The following PCDHA3 variants were observed in gnomAD, a reference collection of about 807,000 sequenced individuals.
PCDHA3 encodes protocadherin alpha 3, also known as protocadherin alpha-3.
In PCDHA3, 41 loss-of-function variants were observed where a neutral mutation model predicts 62.2. That is an observed-to-expected ratio of 0.66 (90% CI 0.51 to 0.86). PCDHA3 has a LOEUF of 0.86. PCDHA3 is among the 40% of genes least tolerant of loss of function. The pLI is 0.00. For missense variants in PCDHA3, 1,304 were observed against 1,241.2 expected, an observed-to-expected ratio of 1.05 and a Z score of -0.76; for synonymous variants, 640 against 555.4, an observed-to-expected ratio of 1.15 and a Z score of -2.14.
intron 1 of PCDHA3, chr5:140,808,126 C>T: frequency 1.2e-6 from 2 of 1,613,832 alleles, no homozygotes; most frequent in Non-Finnish European, 1.7e-6. Context: ...TTGAAGAAAG[C>T]AAATCCTATG....
intron 1 of PCDHA3, chr5:140,834,834 C>G (rs1580793449): frequency 6.2e-7 from 1 of 1,611,936 alleles, no homozygotes; most frequent in Non-Finnish European, 8.5e-7. Flanking sequence ...GCTTGACTCT[C>G]GGTTTCCACT....
chr5:140,851,022 T>C, intron 1 of PCDHA3: 1 of 1,428,366 alleles, frequency 7.0e-7, no homozygotes, highest in Non-Finnish European at 9.2e-7. Context: ...TCTGATAAAG[T>C]AAACCCCTTA....
chr5:140,868,834 A>G (rs1554162245), intron 1 of PCDHA3: 10 of 427,500 alleles, frequency 2.3e-5, no homozygotes, highest in Non-Finnish European at 8.0e-6. Context: ...AAGAAACCCA[A>G]AACACGTGAA....
intron 1 of PCDHA3, among the ~76,000 whole-genome samples, chr5:140,906,808 C>A (rs902394073): frequency 6.6e-6 from 1 of 152,214 alleles, no homozygotes; most frequent in Non-Finnish European, 1.5e-5. Flanking sequence ...CTCTTCCTTA[C>A]CTCCACTGTG....
In PCDHA3 at chr5:140,845,842, G is replaced by A. The variant is rs2150381678; in HGVS notation, c.2394+42251G>A. On this transcript the variant is annotated intron_variant, in intron 1 of 3. Coordinates refer to ENST00000522353, the MANE Select transcript of PCDHA3 (RefSeq NM_018906.3). ...AATTTAGTTATTACCATTCTTAAGA[G>A]AAAAGAAGTTAGTGATTGCAGAAAG... Among the ~76,000 whole-genome samples the A allele has an allele frequency of 1.1e-4, 17 of 149,848 alleles. 1 individual carries two copies. Among genetic ancestry groups the A allele is most frequent in the African/African-American group, 4.1e-4 (17 of 40,984 alleles).
At chr5:140,822,900 CCGTGA>C in intron 1 of PCDHA3, 1 of 1,614,266 alleles carries the variant, frequency 6.2e-7, no homozygotes. Flanking sequence ...GCGTGTCTGA[CCGTGA>C]CTCAGGTGCC....
chr5:140,847,382 C>T (rs2150399833), intron 1 of PCDHA3: 1 of 149,622 alleles, frequency 6.7e-6, no homozygotes, highest in South Asian at 2.1e-4. Context: ...GATAAATATG[C>T]AAAAACATTA....
intron 1 of PCDHA3, among the ~76,000 whole-genome samples, chr5:140,821,120 T>C (rs1424425591): frequency 6.6e-5 from 10 of 152,074 alleles, no homozygotes; most frequent in African/African-American, 1.7e-4. Context: ...AACAGTGAAA[T>C]TGGAATAAAA....
intron 1 of PCDHA3, among the ~76,000 whole-genome samples, chr5:140,944,592 C>T (rs1225606041): frequency 2.6e-5 from 4 of 152,086 alleles, no homozygotes; most frequent in Non-Finnish European, 4.4e-5. Flanking sequence ...CAGAATTTCC[C>T]TGGGTAGAGT....
At chr5:140,813,211 G>A (rs1765248486) in intron 1 of PCDHA3, 1 of 152,142 alleles carries the variant, frequency 6.6e-6, no homozygotes, top group African/African-American at 2.4e-5. Flanking sequence ...CTGTCTGAAT[G>A]TTCTATTCCT....
chr5:140,809,720 T>C (rs2150017686), intron 1 of PCDHA3: 1 of 919,614 alleles, frequency 1.1e-6, no homozygotes, highest in Non-Finnish European at 1.6e-6. Flanking sequence ...TTTGGAATTA[T>C]AGGACATCAG....
At chr5:140,860,167 A>G (rs924380316) in intron 1 of PCDHA3, 2 of 149,440 alleles carry the variant, frequency 1.3e-5, no homozygotes, top group Non-Finnish European at 3.0e-5. Flanking sequence ...ATATATATGT[A>G]TATATATATG....
chr5:140,821,771 T>C (rs2150110539), intron 1 of PCDHA3: 390 of 1,602,920 alleles, frequency 2.4e-4, no homozygotes, highest in Non-Finnish European at 3.2e-4. Flanking sequence ...TGGAACGAGA[T>C]TGAGATGGTA....
rs371269236 is a variant in PCDHA3, at chr5:141,009,740, G to A, written c.2656G>A (p.Asp886Asn). Residue 886 changes from aspartate to asparagine, a missense_variant, in exon 4 of 4, where the codon GAC becomes AAC. Asp to Asn is a conservative substitution (Grantham distance 23, BLOSUM62 1). Coordinates refer to ENST00000522353, the MANE Select transcript of PCDHA3 (RefSeq NM_018906.3). ...PKQSGPGELP[D>N]KFIIPGSPAI... ...ACAATCCGGTCCCGGTGAGTTGCCC[G>A]ACAAATTCATTATCCCAGGATCTCC... The A allele has an allele frequency of 1.8e-4, 293 of 1,613,962 alleles. No individual in the cohort carries two copies. Among genetic ancestry groups the A allele is most frequent in the East Asian group, 1.6e-3 (74 of 44,884 alleles).
rs200097598 is a variant in PCDHA3 at position 140,842,988 on chromosome 5, T to C, written c.2394+39397T>C. On this transcript the variant is annotated intron_variant, in intron 1 of 3. Coordinates refer to ENST00000522353, the MANE Select transcript of PCDHA3 (RefSeq NM_018906.3). ...AACGTGACGCTGCAGGTGTTCGTGC[T>C]GGACGAGAATGACAACGCGCCGGCA... 2.2e-4 allele frequency: 358 copies of C among 1,595,006 alleles called. 36 individuals are homozygous for C. Among genetic ancestry groups the C allele is most frequent in the Non-Finnish European group, 2.9e-4 (341 of 1,165,496 alleles).
rs191251073 is a variant in PCDHA3, at chr5:140,928,748, G to C, written c.2395-50201G>C. ...ATTTCAGCCAATATAGGTGAGCTCCGTACTGCTCGCTTAGTTCTTCCCACT... is the reference window on the plus strand; with the variant it reads ...ATTTCAGCCAATATAGGTGAGCTCCCTACTGCTCGCTTAGTTCTTCCCACT... On this transcript the variant is annotated intron_variant, in intron 1 of 3. Coordinates refer to ENST00000522353, the MANE Select transcript of PCDHA3 (RefSeq NM_018906.3). The C allele has an allele frequency of 1.9e-6, 3 of 1,614,114 alleles. No individual in the cohort carries two copies. In the Admixed American group the frequency reaches 5.0e-5, roughly 27 times the overall value.
intron 3 of PCDHA3, among the ~76,000 whole-genome samples, chr5:140,989,450 T>C (rs1299416259): frequency 6.6e-6 from 1 of 152,208 alleles, no homozygotes; most frequent in Admixed American, 6.5e-5. Context: ...TTGTTTAGAA[T>C]TGTTAGGCTT....
intron 1 of PCDHA3, chr5:140,828,247 G>A: frequency 5.0e-6 from 8 of 1,613,980 alleles, no homozygotes; most frequent in Non-Finnish European, 6.8e-6. Flanking sequence ...CGCAGGACCT[G>A]GGGCTGGAGC....
intron 1 of PCDHA3, among the ~76,000 whole-genome samples, chr5:140,946,432 A>C (rs1254032204): frequency 6.6e-6 from 1 of 151,682 alleles, no homozygotes; most frequent in Admixed American, 6.6e-5. Context: ...GTTACTCAAA[A>C]ATTGAGACTA....
Sources: allele counts gnomAD v4.1 joint callset (sites outside exome capture counted in the v4.1 genomes callset), GRCh38; gene constraint gnomAD v4.1.1; transcripts MANE v1.5; gene names NCBI Gene and HGNC (gene_info 2026-07-23, HGNC 2026-07-21).